The following ANP32E variants were observed in gnomAD, a reference collection of about 807,000 sequenced individuals.
The protein encoded by ANP32E is acidic nuclear phosphoprotein 32 family member E, also known as acidic leucine-rich nuclear phosphoprotein 32 family member E.
In ANP32E, 14 loss-of-function variants were observed where a neutral mutation model predicts 35.3. The ratio of observed to expected loss-of-function variants is 0.40; its 90% confidence interval spans 0.26 to 0.62. The LOEUF (loss-of-function observed/expected upper bound fraction) is 0.62, where lower values mean the gene tolerates loss of function less well. Among genes scored for constraint, ANP32E ranks in the 20% least tolerant of loss-of-function variants. The probability of loss-of-function intolerance (pLI) is 0.45; values close to 1 mark genes in which losing one functional copy is unlikely to be tolerated. For synonymous variants in ANP32E, 89 were observed against 110.4 expected (o/e 0.81, Z 1.22); for missense variants, 198 against 304.4 (o/e 0.65, Z 2.60).
rs200309097 is a variant in ANP32E, at chr1:150,220,735, T to C, written c.763A>G (p.Arg255Gly). 1.2e-6 allele frequency: 2 copies of C among 1,614,002 alleles called. No homozygotes were observed. Among genetic ancestry groups the C allele is most frequent in the East Asian group, 4.5e-5 (2 of 44,866 alleles). ...EEEGGLRGEK[R>G]KRDAEDDGEE... Reference sequence around the variant, plus strand: ...CCATCGTCTTCAGCATCTCGTTTCCTCTTCTCCCCTCGAAGACCTCCTTCT... The same window carrying C: ...CCATCGTCTTCAGCATCTCGTTTCCCCTTCTCCCCTCGAAGACCTCCTTCT... Residue 255 changes from arginine to glycine, a missense_variant, in exon 7 of 7, where the codon AGG (arginine) becomes GGG (glycine). By Grantham distance (125) the Arg-to-Gly change is moderately radical. Coordinates refer to ENST00000583931, the MANE Select transcript of ANP32E (RefSeq NM_030920.5).
intron 6 of ANP32E, among the ~76,000 whole-genome samples, chr1:150,222,013 A>G (rs1553838184): frequency 6.6e-6 from 1 of 152,060 alleles, no homozygotes; most frequent in Non-Finnish European, 1.5e-5. Context: ...GGATTGCTTA[A>G]GCCTGGGAGG....
chr1:150,235,613 A>G lies in ANP32E; in HGVS notation c.54+120T>C. 1.9e-6 allele frequency: 2 copies of G among 1,071,388 alleles called. No homozygotes were observed. The highest frequency in any genetic ancestry group is 2.5e-5 in the East Asian group (1 of 40,540). 66.4% of individuals were successfully genotyped at this position (1,071,388 alleles called of 1,614,324 possible). ...AAAATTAAACATTTCCCCAACCCTA[A>G]CCCGGGGGGATGGGGGCTAACTTAT... On this transcript the variant is annotated intron_variant, in intron 1 of 6. Coordinates refer to ENST00000583931, the MANE Select transcript of ANP32E (RefSeq NM_030920.5). This position sits in a 1 kb window ranked among gnomAD's most constrained non-coding sequence, Gnocchi z 4.2.
At chr1:150,229,298 C>CAT in intron 3 of ANP32E, 61 bp from the exon 4 acceptor site, 2 of 429,546 alleles carry the variant, frequency 4.7e-6, no homozygotes, top group Non-Finnish European at 7.3e-6. Flanking sequence ...TTTCTTTTTT[C>CAT]TTTTTTTTTT....
chr1:150,229,510 G>A (rs1356355317), intron 3 of ANP32E, among the ~76,000 whole-genome samples: 2 of 146,384 alleles, frequency 1.4e-5, no homozygotes, highest in East Asian at 4.0e-4. Context: ...CGGACTTTTT[G>A]CTCTTGTTGC....
intron 5 of ANP32E, among the ~76,000 whole-genome samples, chr1:150,225,664 GTA>G (rs1559998224): frequency 2.9e-3 from 1 of 346 alleles, no homozygotes; most frequent in Non-Finnish European, 6.6e-3. Context: ...GAGTGAGACT[GTA>G]ACAAAAAAAA....
chr1:150,226,875 C>T (rs1157719116), intron 4 of ANP32E, 80 bp from the exon 5 acceptor site: 3 of 1,494,084 alleles, frequency 2.0e-6, no homozygotes, highest in Non-Finnish European at 2.7e-6. Flanking sequence ...TACCCTTGCC[C>T]AATCACTTCA....
chr1:150,226,913 A>C, intron 4 of ANP32E, 118 bp from the exon 5 acceptor site: 4 of 1,317,432 alleles, frequency 3.0e-6, no homozygotes, highest in East Asian at 2.7e-5. Context: ...GTGGAAAGTA[A>C]CTCACAGCGA....
chr1:150,234,164 G>T (rs1210966704), intron 1 of ANP32E, among the ~76,000 whole-genome samples: 2 of 151,400 alleles, frequency 1.3e-5, no homozygotes, highest in Non-Finnish European at 2.9e-5. Context: ...AACTGGCAAA[G>T]AAATTACTAC....
At chr1:150,223,097 C>G (rs1553838585) in intron 6 of ANP32E, 89 bp downstream of exon 6, 1 of 1,394,594 alleles carries the variant, frequency 7.2e-7, no homozygotes, top group East Asian at 2.4e-5. Flanking sequence ...TAGGCTCATT[C>G]TTTAAAGTGT....
intron 6 of ANP32E, among the ~76,000 whole-genome samples, chr1:150,222,559 GCC>G (rs1471988830): frequency 6.6e-6 from 1 of 151,424 alleles, no homozygotes; most frequent in Non-Finnish European, 1.5e-5. Context: ...GTTCAACAAA[GCC>G]TGGGCAATAT....
chr1:150,230,461 T>C, intron 3 of ANP32E, 110 bp downstream of exon 3: 2 of 1,108,858 alleles, frequency 1.8e-6, no homozygotes, highest in Non-Finnish European at 2.5e-6. Flanking sequence ...GATCACAACA[T>C]ACAAAAAATT....
chr1:150,221,173 C>T (rs1648331547), intron 6 of ANP32E, among the ~76,000 whole-genome samples: 1 of 146,356 alleles, frequency 6.8e-6, no homozygotes, highest in Non-Finnish European at 1.5e-5. Flanking sequence ...TAAGGTGGCT[C>T]ACGCCAGTAA....
chr1:150,223,302 G>A (rs587712466), intron 5 of ANP32E, 62 bp from the exon 6 acceptor site: 8 of 1,503,874 alleles, frequency 5.3e-6, no homozygotes, highest in South Asian at 3.6e-5. Flanking sequence ...ACTCTTTCTT[G>A]TAATATATTC....
intron 6 of ANP32E, among the ~76,000 whole-genome samples, chr1:150,221,178 C>T (rs1292566454): frequency 6.7e-6 from 1 of 149,848 alleles, no homozygotes; most frequent in Non-Finnish European, 1.5e-5. Context: ...TGGCTCACGC[C>T]AGTAATTCCA....
At chr1:150,231,993 C>A in intron 1 of ANP32E, 67 bp from the exon 2 acceptor site, 1 of 1,455,274 alleles carries the variant, frequency 6.9e-7, no homozygotes, top group Non-Finnish European at 9.3e-7. Context: ...AGACCTGGGT[C>A]TTGACACTCT....
At chr1:150,230,092 T>C (rs1223403186) in intron 3 of ANP32E, among the ~76,000 whole-genome samples, 2 of 152,080 alleles carry the variant, frequency 1.3e-5, no homozygotes, top group Non-Finnish European at 2.9e-5. Flanking sequence ...TTGCCCAGGT[T>C]GGTCTCAAAC....
intron 3 of ANP32E, among the ~76,000 whole-genome samples, chr1:150,230,004 T>C (rs1553841288): frequency 3.3e-5 from 5 of 152,240 alleles, no homozygotes; most frequent in African/African-American, 1.2e-4. Context: ...GAAGGGTTAT[T>C]ATATCAAGCA....
rs782499585 is a variant in ANP32E at position 150,229,118 on chromosome 1, A to G, written c.447T>C (p.Asp149=). The G allele has an allele frequency of 1.9e-6, 3 of 1,613,580 alleles. No homozygotes were observed. Among genetic ancestry groups the G allele is most frequent in the Non-Finnish European group, 2.5e-6 (3 of 1,179,876 alleles). ...LQQITYLDGF[D]QEDNEAPDSE... ...AGTCCGGCGCTTCATTATCCTCCTG[A>G]TCAAATCCATCTAAGTATGTGATTT... Residue 149 remains aspartate (D), a synonymous_variant, in exon 4 of 7, where the codon GAT becomes GAC. Coordinates refer to ENST00000583931, the MANE Select transcript of ANP32E (RefSeq NM_030920.5).
Position 150,223,210 on chromosome 1 carries a change from C to A in ANP32E, c.712G>T (p.Glu238Ter). ...CCCTCTTCTTCCTCTTCTTCCCCTT[C>A]TTCAACATAGTCATCATCATCTTCT... ...DEEDDDDYVE[E>*]GEEEEEEEEG... The change falls in exon 6 of 7, where the codon GAA (glutamate) becomes TAA (stop). Residue 238 changes from glutamate (E) to a stop codon, truncating the protein, a stop_gained. Coordinates refer to ENST00000583931, the MANE Select transcript of ANP32E (RefSeq NM_030920.5). LOFTEE classifies it high-confidence loss of function. 1 of 1,526,292 alleles carries A rather than the reference C, an allele frequency of 6.6e-7. No homozygotes were observed. The highest frequency in any genetic ancestry group is 8.9e-7 in the Non-Finnish European group (1 of 1,123,602). The allele number at this position is 1,526,292 out of a possible 1,614,324, so 94.5% of individuals were successfully genotyped here.
Sources: allele counts gnomAD v4.1 joint callset (sites outside exome capture counted in the v4.1 genomes callset), GRCh38; gene constraint gnomAD v4.1.1; non-coding constraint Gnocchi (gnomAD v3.1); transcripts MANE v1.5; gene names NCBI Gene and HGNC (gene_info 2026-07-23, HGNC 2026-07-21).